UCHL1: variants seen among roughly 807,000 people sequenced by gnomAD.
UCHL1 encodes ubiquitin carboxyl-terminal hydrolase isozyme L1.
In UCHL1, 5 loss-of-function variants were observed where a neutral mutation model predicts 33.3. That is an observed-to-expected ratio of 0.15 (90% CI 0.08 to 0.32). The LOEUF (loss-of-function observed/expected upper bound fraction) is 0.32. Among genes scored for constraint, UCHL1 ranks in the 10% least tolerant of loss-of-function variants. UCHL1 has a pLI of 1.00. For synonymous variants in UCHL1, 132 were observed against 108.8 expected (o/e 1.21, Z -1.33); for missense variants, 236 against 280.0 (o/e 0.84, Z 1.12).
At chr4:41,266,631 C>CT in intron 8 of UCHL1, among the ~76,000 whole-genome samples, 2 of 152,094 alleles carry the variant, frequency 1.3e-5, no homozygotes, top group East Asian at 3.9e-4. Context: ...TCTTTGGTTG[C>CT]TTTTTTTGAG....
In UCHL1 at chr4:41,256,982, G is replaced by A. The variant is rs769288409; in HGVS notation, c.6G>A (p.Gln2=). M[Q]LKPMEINPEM... Reference sequence around the variant, plus strand: ...CTGCCGGGCGCTCCGCGAAGATGCAGCTCAAGCCGATGGAGATCAACCCCG... The same window carrying A: ...CTGCCGGGCGCTCCGCGAAGATGCAACTCAAGCCGATGGAGATCAACCCCG... Residue 2 remains glutamine, a synonymous_variant, in exon 1 of 9, where the codon CAG becomes CAA. Transcript: ENST00000284440. 6 of 1,614,042 alleles carry A rather than the reference G, an allele frequency of 3.7e-6. No homozygotes were observed. In the South Asian group the frequency reaches 5.5e-5, roughly 15 times the overall value.
intron 3 of UCHL1, 127 bp from the exon 4 acceptor site, chr4:41,260,520 C>A: frequency 8.4e-7 from 1 of 1,192,950 alleles, no homozygotes; most frequent in Non-Finnish European, 1.2e-6. Flanking sequence ...AGTCAGCCAA[C>A]ATCTAGAACC....
intron 8 of UCHL1, among the ~76,000 whole-genome samples, chr4:41,266,972 A>G (rs865793030): frequency 3.3e-4 from 50 of 152,264 alleles, no homozygotes; most frequent in African/African-American, 1.1e-3. Flanking sequence ...ATCATAGAGC[A>G]TTCCTTTTCT....
At chr4:41,262,390 G>A (rs1433918245) in intron 6 of UCHL1, among the ~76,000 whole-genome samples, 2 of 152,136 alleles carry the variant, frequency 1.3e-5, no homozygotes, top group Non-Finnish European at 2.9e-5. Context: ...AGGTTGCAGT[G>A]AGCTGAGACC....
At chr4:41,265,868 G>A (rs1343224537) in intron 8 of UCHL1, among the ~76,000 whole-genome samples, 1 of 152,172 alleles carries the variant, frequency 6.6e-6, no homozygotes, top group African/African-American at 2.4e-5. Context: ...TGGGATGGAA[G>A]GGTTTCATGA....
At chr4:41,260,900 C>T (rs1056677440) in intron 4 of UCHL1, 103 bp downstream of exon 4, 10 of 1,520,992 alleles carry the variant, frequency 6.6e-6, no homozygotes, top group East Asian at 2.3e-5. Flanking sequence ...CCTTTTGAAA[C>T]CATTTTGTAA....
Position 41,257,679 on chromosome 4 carries a change from T to C in UCHL1, c.116T>C (p.Leu39Pro). Residue 39 changes from leucine to proline, a missense_variant, in exon 3 of 9, where the codon CTG (leucine) becomes CCG (proline). Leu to Pro is a moderately conservative substitution (Grantham distance 98). Transcript: ENST00000284440. Reference protein sequence around the residue: ...VDVLGLEEESLGSVPAPACAL... With the variant: ...VDVLGLEEESPGSVPAPACAL... The stretch of plus-strand genomic sequence containing the variant: ...GTGCTGGGGCTGGAAGAGGAGTCTC[T>C]GGGCTCGGTGCCAGCGCCTGCCTGC... 1.9e-6 allele frequency: 3 copies of C among 1,575,290 alleles called. No homozygotes were observed. The highest frequency in any genetic ancestry group is 2.6e-6 in the Non-Finnish European group (3 of 1,163,928).
At chr4:41,266,767 A>G (rs763047199) in intron 8 of UCHL1, among the ~76,000 whole-genome samples, 2 of 152,052 alleles carry the variant, frequency 1.3e-5, no homozygotes, top group African/African-American at 4.8e-5. Context: ...CTAGAAGCGC[A>G]CACCACCATG....
chr4:41,268,085 A>C lies in UCHL1; in HGVS notation c.*12A>C. 6.2e-7 allele frequency: 1 copy of C among 1,611,516 alleles called. No individual in the cohort carries two copies. ...GCAAGGCAGCCTAATGCTCTGTGGG[A>C]GGGACTTTGCTGATTTCCCCTCTTC... On this transcript the variant is annotated 3_prime_UTR_variant, in exon 9 of 9. Coordinates refer to ENST00000284440, the MANE Select transcript of UCHL1 (RefSeq NM_004181.5).
chr4:41,268,148 A>G lies in UCHL1; in HGVS notation c.*75A>G. On this transcript the variant is annotated 3_prime_UTR_variant, in exon 9 of 9. Transcript: ENST00000284440. The stretch of plus-strand genomic sequence containing the variant: ...AAATATATACCCCCCCATGCAGTCT[A>G]AAATGCTTCAGTACTTGTGAAACAC... The G allele has an allele frequency of 2.2e-6, 3 of 1,370,016 alleles. No homozygotes were observed. Among genetic ancestry groups the G allele is most frequent in the South Asian group, 1.2e-5 (1 of 81,502 alleles). The allele number at this position is 1,370,016 out of a possible 1,614,324, so 84.9% of individuals were successfully genotyped here.
intron 6 of UCHL1, among the ~76,000 whole-genome samples, chr4:41,262,917 T>C (rs540222302): frequency 1.3e-5 from 2 of 152,270 alleles, no homozygotes; most frequent in South Asian, 4.1e-4. Context: ...CAGATCTCAG[T>C]GTCTTTATAA....
Position 41,256,950 on chromosome 4 carries a change from G to T in UCHL1, c.-27G>T. 6 of 1,614,080 alleles carry T rather than the reference G, an allele frequency of 3.7e-6. No individual in the cohort carries two copies. Among genetic ancestry groups the T allele is most frequent in the Non-Finnish European group, 5.1e-6 (6 of 1,180,010 alleles). ...GCTAGCTGTTTTTCGTCTTCCCTAG[G>T]CTATTTCTGCCGGGCGCTCCGCGAA... On this transcript the variant is annotated 5_prime_UTR_variant, in exon 1 of 9. Transcript: ENST00000284440.
At chr4:41,267,282 C>T (rs1337396145) in intron 8 of UCHL1, among the ~76,000 whole-genome samples, 3 of 151,574 alleles carry the variant, frequency 2.0e-5, no homozygotes, top group African/African-American at 7.3e-5. Context: ...CTCGCTCTGT[C>T]GCCCAGGCTG....
chr4:41,267,948 T>A, intron 8 of UCHL1, 39 bp from the exon 9 acceptor site: 1 of 1,578,756 alleles, frequency 6.3e-7, no homozygotes, highest in Non-Finnish European at 8.7e-7. Flanking sequence ...CATTTTGAGC[T>A]CTTGCTGTTT....
chr4:41,262,630 TA>T (rs113833813), intron 6 of UCHL1, among the ~76,000 whole-genome samples: 1,854 of 144,966 alleles, frequency 0.013, 35 homozygotes, highest in African/African-American at 0.04. Flanking sequence ...GTGTCCTTTT[TA>T]AAAAAAAAAA....
chr4:41,264,057 A>G (rs1237092874), intron 7 of UCHL1, 46 bp from the exon 8 acceptor site: 1 of 1,613,778 alleles, frequency 6.2e-7, no homozygotes, highest in Non-Finnish European at 8.5e-7. Flanking sequence ...CACGGTAGCC[A>G]GAAAACATGC....
intron 8 of UCHL1, 81 bp from the exon 9 acceptor site, chr4:41,267,906 A>G: frequency 3.9e-6 from 5 of 1,280,598 alleles, no homozygotes; most frequent in Non-Finnish European, 5.6e-6. Context: ...TTGAGCATTA[A>G]TAGACCTTGG....
At chr4:41,260,557 G>C (rs905435214) in intron 3 of UCHL1, 90 bp from the exon 4 acceptor site, 14 of 1,485,302 alleles carry the variant, frequency 9.4e-6, no homozygotes, top group Non-Finnish European at 1.0e-5. Flanking sequence ...CATCCCACTG[G>C]TGTTTCCATT....
At chr4:41,258,194 G>A (rs369546427) in intron 3 of UCHL1, among the ~76,000 whole-genome samples, 7 of 152,190 alleles carry the variant, frequency 4.6e-5, no homozygotes, top group African/African-American at 1.7e-4. Flanking sequence ...AATTAGGTTC[G>A]CTAATTCTCC....
Sources: allele counts gnomAD v4.1 joint callset (sites outside exome capture counted in the v4.1 genomes callset), GRCh38; gene constraint gnomAD v4.1.1; transcripts MANE v1.5; gene names NCBI Gene and HGNC (gene_info 2026-07-23, HGNC 2026-07-21).